The following OVCH2 variants were observed in gnomAD, a reference collection of about 807,000 sequenced individuals.
OVCH2 encodes ovochymase-2.
OVCH2 carries 88 observed loss-of-function variants against 73.7 expected under a neutral mutation model. That is an observed-to-expected ratio of 1.19 (90% CI 1.01 to 1.43). OVCH2 has a LOEUF of 1.43. Among genes scored for constraint, OVCH2 ranks in the 40% most tolerant of loss-of-function variants. The pLI is 0.00. For missense variants in OVCH2, 706 were observed against 674.5 expected (o/e 1.05, Z -0.52); for synonymous variants, 265 against 234.5 (o/e 1.13, Z -1.19).
chr11:7,698,910 G>T (rs1452378974), intron 7 of OVCH2, 137 bp from the exon 8 acceptor site: 1 of 813,580 alleles, frequency 1.2e-6, no homozygotes. Flanking sequence ...GTGGAAAGAA[G>T]GGAAGGGATA....
Position 7,700,404 on chromosome 11 carries a change from A to G in OVCH2, c.793T>C (p.Cys265Arg). Residue 265 changes from cysteine (C) to arginine (R), a missense_variant, in exon 7 of 16, where the codon TGT (cysteine) becomes CGT (arginine). Physicochemically the swap from Cys to Arg is radical, Grantham distance 180 (BLOSUM62 -3). Transcript: ENST00000533663. Reference protein sequence around the residue: ...LAGVTSWGLGCGRGWRNNVRK... With the variant: ...LAGVTSWGLGRGRGWRNNVRK... ...ACATTGTTTCTCCAGCCTCGACCAC[A>G]GCCCAAACCCCAGGAAGTCACACCA... 3 of 1,613,296 alleles carry G rather than the reference A, an allele frequency of 1.9e-6. No homozygotes were observed. The highest frequency in any genetic ancestry group is 2.5e-6 in the Non-Finnish European group (3 of 1,179,630).
chr11:7,701,402 C>A lies in OVCH2; in HGVS notation c.633G>T (p.Leu211=), dbSNP rs1433346022. The part of the protein sequence containing the change: ...ILTWEECVAA[L]LTLKRPISGK... ...CACTGATGGGCCTCTTTAGTGTTAA[C>A]AGAGCTGCCACACACTCTTCCCAGG... Residue 211 remains leucine, a synonymous_variant, in exon 6 of 16, where the codon CTG becomes CTT. Transcript: ENST00000533663. 2 of 1,612,806 alleles carry A rather than the reference C, an allele frequency of 1.2e-6. No individual in the cohort carries two copies. The highest frequency in any genetic ancestry group is 1.3e-5 in the African/African-American group (1 of 74,876).
chr11:7,694,609 TTTG>T (rs200472819), intron 12 of OVCH2, among the ~76,000 whole-genome samples: 13 of 22,182 alleles, frequency 5.9e-4, no homozygotes, highest in Admixed American at 4.2e-3. Flanking sequence ...ACACAAAGTT[TTTG>T]TTTTGTTTTG....
chr11:7,698,814 A>G (rs1856382120), intron 7 of OVCH2, 41 bp from the exon 8 acceptor site: 1 of 1,605,282 alleles, frequency 6.2e-7, no homozygotes, highest in Non-Finnish European at 8.5e-7. Context: ...AGCCTGTGGT[A>G]TCCTGAACAA....
At position 7,702,576 on chromosome 11, in the gene OVCH2, A is replaced by C. The variant is rs956079650; in HGVS notation, c.291-247T>G. ...GGATATGATGAATTTAATACTTTGC[A>C]ATGTTATTTGAAAATATCTAGAGAG... On this transcript the variant is annotated intron_variant, in intron 3 of 15. Coordinates refer to ENST00000533663, the MANE Select transcript of OVCH2 (RefSeq NM_198185.7). Among the ~76,000 whole-genome samples the C allele has an allele frequency of 2.6e-5, 4 of 152,324 alleles. No individual in the cohort carries two copies. The East Asian group carries it at 7.7e-4, about 29-fold the overall frequency.
the OVCH2 span, among the ~76,000 whole-genome samples, chr11:7,681,853 CA>C: frequency 0.17 from 15,589 of 92,894 alleles, 939 homozygotes; most frequent in African/African-American, 0.25. Flanking sequence ...GGGAAATGTC[CA>C]AAAAAAAAAA....
rs370996617 is a variant in OVCH2 at position 7,694,749 on chromosome 11, T to C, written c.1413+309A>G. 1.9e-4 allele frequency among the ~76,000 whole-genome samples: 28 copies of C among 151,006 alleles called. No individual in the cohort carries two copies. The South Asian group carries it at 4.8e-3, about 26-fold the overall frequency. On this transcript the variant is annotated intron_variant, in intron 12 of 15. Coordinates refer to ENST00000533663, the MANE Select transcript of OVCH2 (RefSeq NM_198185.7). ...TCTCCAGCCTCCCGAGTAGCTGGGATTACAGGCGCCCGCCACCGCGCCCGG... is the reference window on the plus strand; with the variant it reads ...TCTCCAGCCTCCCGAGTAGCTGGGACTACAGGCGCCCGCCACCGCGCCCGG...
At chr11:7,685,262 G>T (rs140373282), downstream of OVCH2, among the ~76,000 whole-genome samples, 4 of 152,130 alleles carry the variant, frequency 2.6e-5, no homozygotes, top group Non-Finnish European at 1.5e-5. Context: ...AAACCACACC[G>T]CCTATGGGAG....
At chr11:7,693,821 C>G (rs1856267560) in intron 12 of OVCH2, among the ~76,000 whole-genome samples, 1 of 152,208 alleles carries the variant, frequency 6.6e-6, no homozygotes, top group African/African-American at 2.4e-5. Context: ...CCACCAATCC[C>G]AACTCCTCTC....
In OVCH2 at chr11:7,691,395, G is replaced by A; in HGVS notation, c.1513C>T (p.Leu505=). The A allele has an allele frequency of 6.2e-7, 1 of 1,611,530 alleles. No homozygotes were observed. The highest frequency in any genetic ancestry group is 2.2e-5 in the East Asian group (1 of 44,822). The change falls in exon 14 of 16, where the codon CTG becomes TTG. Residue 505 remains leucine (L), a synonymous_variant. Transcript: ENST00000533663. ...DVERKKEIAR[L]CGYDVPTPVL... ...GGGGTGGGGACATCATAGCCACACA[G>A]CCGAGCTTGTTGAAGGCCAGCCCAG...
At chr11:7,697,523 A>T (rs1276949252) in intron 8 of OVCH2, among the ~76,000 whole-genome samples, 2 of 152,180 alleles carry the variant, frequency 1.3e-5, no homozygotes, top group Non-Finnish European at 2.9e-5. Flanking sequence ...ACGGTTTCCT[A>T]GCTGTCTCCC....
At chr11:7,681,870 A>G in the OVCH2 span, among the ~76,000 whole-genome samples, 4 of 151,814 alleles carry the variant, frequency 2.6e-5, no homozygotes, top group African/African-American at 9.7e-5. Flanking sequence ...AAAAAAAAAA[A>G]AAGAAAAATG....
chr11:7,706,431 G>A lies in OVCH2; in HGVS notation c.-37C>T, dbSNP rs1023701030. 1.3e-6 allele frequency: 2 copies of A among 1,532,184 alleles called. No individual in the cohort carries two copies. The highest frequency in any genetic ancestry group is 4.4e-5 in the Admixed American group (2 of 45,240). 94.9% of individuals were successfully genotyped at this position (1,532,184 alleles called of 1,614,324 possible). ...TAGTTTTTCCCTGAAATTTTAGAGA[G>A]ACTAAAGCAAACAAAAATAGGAAGC... On this transcript the variant is annotated 5_prime_UTR_variant, in exon 1 of 16. Transcript: ENST00000533663.
At chr11:7,701,855 G>T in intron 4 of OVCH2, 44 bp from the exon 5 acceptor site, 1 of 1,516,320 alleles carries the variant, frequency 6.6e-7, no homozygotes. Flanking sequence ...TCATGGAGGA[G>T]AGGACACTAT....
Position 7,696,458 on chromosome 11 carries a change from C to A in OVCH2, c.1141+7G>T. 1 of 1,613,886 alleles carries A rather than the reference C, an allele frequency of 6.2e-7. No individual in the cohort carries two copies. Among genetic ancestry groups the A allele is most frequent in the Non-Finnish European group, 8.5e-7 (1 of 1,179,842 alleles). On this transcript the variant is annotated splice_region_variant and intron_variant, in intron 10 of 15. Coordinates refer to ENST00000533663, the MANE Select transcript of OVCH2 (RefSeq NM_198185.7). ...GTTTCCATTTGACACTGTGAAAATC[C>A]ACTCACCAATGGGTCTGTCTTCTAA...
intron 4 of OVCH2, 122 bp downstream of exon 4, chr11:7,702,034 CT>C: frequency 1.0e-6 from 1 of 958,172 alleles, no homozygotes; most frequent in Non-Finnish European, 1.6e-6. Flanking sequence ...AGGTAGGACT[CT>C]CCAGCCTAAA....
chr11:7,703,922 G>T, intron 2 of OVCH2, 133 bp from the exon 3 acceptor site: 1 of 752,888 alleles, frequency 1.3e-6, no homozygotes, highest in Non-Finnish European at 2.2e-6. Flanking sequence ...ACTGTGAAAA[G>T]ATAAAGCCCA....
chr11:7,704,206 C>T (rs930264825), intron 2 of OVCH2, among the ~76,000 whole-genome samples: 4 of 152,150 alleles, frequency 2.6e-5, no homozygotes, highest in East Asian at 3.9e-4. Context: ...GGGAGCCTTT[C>T]AACACATACT....
At chr11:7,700,250 C>T in intron 7 of OVCH2, 46 bp downstream of exon 7, 1 of 1,584,118 alleles carries the variant, frequency 6.3e-7, no homozygotes. Context: ...TGTCTCTGGC[C>T]CTAGCAGAAT....
Sources: allele counts gnomAD v4.1 joint callset (sites outside exome capture counted in the v4.1 genomes callset), GRCh38; gene constraint gnomAD v4.1.1; transcripts MANE v1.5; gene names NCBI Gene and HGNC (gene_info 2026-07-23, HGNC 2026-07-21).